FGF14: variants seen among roughly 807,000 people sequenced by gnomAD.
The protein encoded by FGF14 is fibroblast growth factor homologous factor 4.
In FGF14, 5 loss-of-function variants were observed where a neutral mutation model predicts 25.5. The observed-to-expected ratio is 0.20, with a 90% CI of 0.10 to 0.41. The LOEUF is 0.41. FGF14 is among the 10% of genes least tolerant of loss of function. The probability of loss-of-function intolerance (pLI) is 1.00; values close to 1 mark genes in which losing one functional copy is unlikely to be tolerated. For missense variants in FGF14, 222 were observed against 320.1 expected (o/e 0.69, Z 2.34); for synonymous variants, 138 against 118.3 (o/e 1.17, Z -1.08).
intron 1 of FGF14, among the ~76,000 whole-genome samples, chr13:102,119,105 T>C (rs1010283062): frequency 3.9e-5 from 6 of 152,292 alleles, no homozygotes; most frequent in African/African-American, 1.4e-4. Context: ...AATAGTGACC[T>C]CATGGGCCTC....
Position 101,738,323 on chromosome 13 carries a change from C to A in FGF14, c.409-11513G>T, listed in dbSNP as rs533831584. Among the ~76,000 whole-genome samples, 12 of 152,066 alleles carry A rather than the reference C, an allele frequency of 7.9e-5. 1 individual carries two copies. Among genetic ancestry groups the A allele is most frequent in the African/African-American group, 2.9e-4 (12 of 41,470 alleles). On this transcript the variant is annotated intron_variant, in intron 3 of 4. Transcript: ENST00000376143. ...GGGTTTAATTTTTTCCCCAGGGCAC[C>A]AAATAAATCATCTTACTGGGATATG...
intron 1 of FGF14, among the ~76,000 whole-genome samples, chr13:102,115,629 T>C (rs1281100717): frequency 1.3e-5 from 2 of 152,128 alleles, no homozygotes. Flanking sequence ...GAGCTAAACA[T>C]TGAATCCACA....
intron 1 of FGF14, among the ~76,000 whole-genome samples, chr13:101,936,010 A>G (rs76016775): frequency 0.034 from 5,105 of 152,344 alleles, 145 homozygotes; most frequent in Non-Finnish European, 0.049. Context: ...AGGTAGTCAT[A>G]GAAAGGATCT....
intron 3 of FGF14, among the ~76,000 whole-genome samples, chr13:101,779,683 A>G (rs138540225): frequency 4.3e-4 from 65 of 152,308 alleles, no homozygotes; most frequent in African/African-American, 1.5e-3. Context: ...GGTTTAAACT[A>G]TTGATCTGAA....
intron 1 of FGF14, among the ~76,000 whole-genome samples, chr13:102,205,954 C>T (rs969304876): frequency 4.3e-5 from 5 of 115,602 alleles, no homozygotes; most frequent in East Asian, 2.8e-4. Flanking sequence ...TTGGCTTCCA[C>T]GAGAAGGTAG....
intron 1 of FGF14, among the ~76,000 whole-genome samples, chr13:101,945,318 C>CA (rs1292190991): frequency 6.6e-6 from 1 of 151,634 alleles, no homozygotes; most frequent in East Asian, 1.9e-4. Context: ...AACTCCATCC[C>CA]AAAAAAATAA....
At chr13:102,281,283 G>C (rs577504313) in intron 1 of FGF14, among the ~76,000 whole-genome samples, 1 of 152,206 alleles carries the variant, frequency 6.6e-6, no homozygotes, top group Non-Finnish European at 1.5e-5. Context: ...CCCTGAGCCT[G>C]TGCTGCCATT....
chr13:101,825,698 ATATT>A (rs1203884765), intron 3 of FGF14, among the ~76,000 whole-genome samples: 14 of 152,160 alleles, frequency 9.2e-5, no homozygotes. Context: ...ATCTAAATAA[ATATT>A]TATCCATTAT....
intron 1 of FGF14, among the ~76,000 whole-genome samples, chr13:102,036,313 C>T (rs1659196047): frequency 6.6e-6 from 1 of 152,094 alleles, no homozygotes; most frequent in South Asian, 2.1e-4. Flanking sequence ...GTCTTATGTA[C>T]ACCACCAACA....
intron 1 of FGF14, among the ~76,000 whole-genome samples, chr13:101,926,798 G>A (rs183320152): frequency 6.6e-6 from 1 of 152,194 alleles, no homozygotes; most frequent in Admixed American, 6.5e-5. Flanking sequence ...AGCTGTAGGG[G>A]AAGTAGATAA....
At chr13:101,986,315 T>G (rs941796065) in intron 1 of FGF14, among the ~76,000 whole-genome samples, 3 of 152,160 alleles carry the variant, frequency 2.0e-5, no homozygotes, top group African/African-American at 7.2e-5. Flanking sequence ...CGGTTTGTGA[T>G]GATCCACTCT....
chr13:102,229,156 C>T (rs1374305259), intron 1 of FGF14, among the ~76,000 whole-genome samples: 1 of 152,180 alleles, frequency 6.6e-6, no homozygotes, highest in Non-Finnish European at 1.5e-5. Flanking sequence ...GGAGTTCTCA[C>T]TCACAGCAGA....
chr13:102,355,925 C>T (rs1218706922), intron 1 of FGF14, among the ~76,000 whole-genome samples: 1 of 152,096 alleles, frequency 6.6e-6, no homozygotes, highest in Admixed American at 6.5e-5. Context: ...TCTCAGGTAA[C>T]AACCTATGCT....
chr13:102,189,040 A>C (rs1410140985), intron 1 of FGF14, among the ~76,000 whole-genome samples: 3 of 66,234 alleles, frequency 4.5e-5, no homozygotes, highest in Non-Finnish European at 1.0e-4. Context: ...GAAAGAAAGA[A>C]AGAGAAAGAA....
chr13:101,797,774 T>TGTGTGC (rs1566914279), intron 3 of FGF14, among the ~76,000 whole-genome samples: 12 of 147,428 alleles, frequency 8.1e-5, no homozygotes, highest in African/African-American at 2.8e-4. Flanking sequence ...TGTGTGTGTG[T>TGTGTGC]GTGTGTGTTC....
intron 1 of FGF14, among the ~76,000 whole-genome samples, chr13:102,095,342 A>T (rs1411824257): frequency 6.6e-6 from 1 of 152,122 alleles, no homozygotes; most frequent in Non-Finnish European, 1.5e-5. Context: ...CGTGCCAGAC[A>T]GTCATCAGTT....
At chr13:102,047,803 C>A (rs555592260) in intron 1 of FGF14, among the ~76,000 whole-genome samples, 2 of 152,144 alleles carry the variant, frequency 1.3e-5, no homozygotes, top group African/African-American at 4.8e-5. Context: ...ATGTTGTGCA[C>A]ATGTACCCTA....
chr13:102,396,769 T>TA (rs1395076567), intron 1 of FGF14, among the ~76,000 whole-genome samples: 8 of 152,226 alleles, frequency 5.3e-5, no homozygotes, highest in Non-Finnish European at 1.2e-4. Context: ...ATTTTACACT[T>TA]ATTAACTGGG....
chr13:102,161,060 A>G (rs2047599901), intron 1 of FGF14, among the ~76,000 whole-genome samples: 1 of 151,938 alleles, frequency 6.6e-6, no homozygotes, highest in Non-Finnish European at 1.5e-5. Context: ...GAAAATAAAC[A>G]AAGTATTCCT....
Sources: allele counts gnomAD v4.1 joint callset (sites outside exome capture counted in the v4.1 genomes callset), GRCh38; gene constraint gnomAD v4.1.1; transcripts MANE v1.5; gene names NCBI Gene and HGNC (gene_info 2026-07-23, HGNC 2026-07-21).